ZCWPW1: variants seen among roughly 807,000 people sequenced by gnomAD.
The protein encoded by ZCWPW1 is zinc finger CW-type PWWP domain protein 1.
Under a neutral mutation model 81.3 loss-of-function variants are expected in ZCWPW1, and 56 were observed. The ratio of observed to expected loss-of-function variants is 0.69; its 90% CI spans 0.56 to 0.86. The LOEUF (loss-of-function observed/expected upper bound fraction) is 0.86, where lower values mean the gene tolerates loss of function less well. Among genes scored for constraint, ZCWPW1 ranks in the 40% least tolerant of loss-of-function variants. The pLI is 0.00. For synonymous variants in ZCWPW1, 250 were observed against 273.7 expected, an observed-to-expected ratio of 0.91 and a Z score of 0.86; for missense variants, 650 against 769.8, an observed-to-expected ratio of 0.84 and a Z score of 1.84.
intron 10 of ZCWPW1, 127 bp from the exon 11 acceptor site, chr7:100,407,430 TCAC>T: frequency 1.3e-6 from 1 of 797,742 alleles, no homozygotes; most frequent in Non-Finnish European, 2.0e-6. Context: ...TCTCACTCTG[TCAC>T]CCAGGCTGGA....
At chr7:100,414,938 T>A (rs996585913) in intron 8 of ZCWPW1, among the ~76,000 whole-genome samples, 1 of 151,160 alleles carries the variant, frequency 6.6e-6, no homozygotes, top group African/African-American at 2.4e-5. Flanking sequence ...GGCAGGAGAA[T>A]CGCTTGAACC....
In ZCWPW1 at chr7:100,419,663, T is replaced by A. The variant is rs1796000297; in HGVS notation, c.249A>T (p.Ala83=). 3.1e-6 allele frequency: 5 copies of A among 1,612,484 alleles called. No individual in the cohort carries two copies. In the South Asian group the frequency reaches 4.4e-5, roughly 14 times the overall value. Residue 83 remains alanine (A), a synonymous_variant, in exon 4 of 18, where the codon GCA becomes GCT. Coordinates refer to ENST00000684423, the MANE Select transcript of ZCWPW1 (RefSeq NM_001386010.1). ...TCTTCTCTGCTTGCTTGTTGATTTGTGCCTTTCTTTTTTTCTCCTGTTCCC... is the reference window on the plus strand; with the variant it reads ...TCTTCTCTGCTTGCTTGTTGATTTGAGCCTTTCTTTTTTTCTCCTGTTCCC... ...PSREQEKKRK[A]QINKQAEKKE...
Position 100,415,975 on chromosome 7 carries a change from C to T in ZCWPW1, c.754G>A (p.Gly252Ser). 1 of 1,614,054 alleles carries T rather than the reference C, an allele frequency of 6.2e-7. No individual in the cohort carries two copies. The highest frequency in any genetic ancestry group is 8.5e-7 in the Non-Finnish European group (1 of 1,180,008). The change falls in exon 8 of 18, where the codon GGT becomes AGT. Residue 252 changes from glycine (G) to serine (S), a missense_variant and splice_region_variant. Physicochemically the swap from Gly to Ser is moderately conservative, Grantham distance 56. Transcript: ENST00000684423. ...DQQKGEISGFGQCLVWVQCSF... is the reference protein window; with the variant it reads ...DQQKGEISGFSQCLVWVQCSF... ...GGTTTGCCAAACCAGCTAAACTCAC[C>T]AAAACCACTTATCTCTCCTTTTTGC... is the stretch of plus-strand genomic sequence containing the variant.
chr7:100,403,354 T>C (rs773925594), intron 15 of ZCWPW1, among the ~76,000 whole-genome samples: 1 of 152,090 alleles, frequency 6.6e-6, no homozygotes, highest in Non-Finnish European at 1.5e-5. Flanking sequence ...TAGCTGGGAC[T>C]ATAGGTGCCC....
At position 100,419,685 on chromosome 7, in the gene ZCWPW1, TC is replaced by T; in HGVS notation, c.226del (p.Glu76AsnfsTer62). On this transcript the variant is annotated frameshift_variant, in exon 4 of 18. Transcript: ENST00000684423. LOFTEE classifies it high-confidence loss of function. Reference sequence around the variant, plus strand: ...TTGTGCCTTTCTTTTTTTCTCCTGTTCCCTGCTTGGAACATTCTTCATGGTT... The same window carrying T: ...TTGTGCCTTTCTTTTTTTCTCCTGTTCCTGCTTGGAACATTCTTCATGGTT... ...KATMKNVPSR[E>X]QEKKRKAQIN... 6.2e-7 allele frequency: 1 copy of T among 1,614,000 alleles called. No homozygotes were observed.
intron 8 of ZCWPW1, among the ~76,000 whole-genome samples, chr7:100,412,431 A>C (rs1794357589): frequency 6.6e-6 from 1 of 152,194 alleles, no homozygotes; most frequent in Non-Finnish European, 1.5e-5. Flanking sequence ...TTCAAGACAG[A>C]AACCAATCAT....
intron 16 of ZCWPW1, 38 bp from the exon 17 acceptor site, chr7:100,402,079 G>C (rs755166130): frequency 6.4e-6 from 10 of 1,574,290 alleles, no homozygotes; most frequent in African/African-American, 2.7e-5. Flanking sequence ...CTCTCTAAAC[G>C]ACAACTCGGC....
chr7:100,424,794 C>T (rs761399125), intron 2 of ZCWPW1, among the ~76,000 whole-genome samples: 4 of 152,058 alleles, frequency 2.6e-5, no homozygotes, highest in Non-Finnish European at 4.4e-5. Context: ...GAGAGTATTT[C>T]GACCAACCTA....
Position 100,406,693 on chromosome 7 carries a change from C to T in ZCWPW1, c.1173+1G>A, listed in dbSNP as rs759563877. ...ACAACAGAACCCCAAGATGTGCTCA[C>T]CATGACTGATAGCTCCAGGGACAGC... On this transcript the variant is annotated splice_donor_variant, in intron 12 of 17. Coordinates refer to ENST00000684423, the MANE Select transcript of ZCWPW1 (RefSeq NM_001386010.1). LOFTEE classifies it high-confidence loss of function. 2.5e-6 allele frequency: 4 copies of T among 1,613,812 alleles called. 1 individual carries two copies. Among genetic ancestry groups the T allele is most frequent in the South Asian group, 2.2e-5 (2 of 91,078 alleles).
chr7:100,421,905 T>A (rs1232012960), intron 2 of ZCWPW1, among the ~76,000 whole-genome samples: 1 of 152,154 alleles, frequency 6.6e-6, no homozygotes, highest in Non-Finnish European at 1.5e-5. Flanking sequence ...TTGGTCAGGC[T>A]GGTCTTGAAC....
intron 5 of ZCWPW1, 108 bp from the exon 6 acceptor site, chr7:100,417,291 C>T (rs1795460856): frequency 1.4e-6 from 1 of 729,142 alleles, no homozygotes; most frequent in Non-Finnish European, 2.3e-6. Flanking sequence ...CTGAAAGAGC[C>T]TACCTGTCAT....
Position 100,420,759 on chromosome 7 carries a change from CTT to C in ZCWPW1, c.-29-83_-29-82del, listed in dbSNP as rs1476233706. 5.7e-6 allele frequency: 8 copies of C among 1,398,810 alleles called. No homozygotes were observed. In the Admixed American group the frequency reaches 1.3e-4, roughly 22 times the overall value. 86.6% of individuals were successfully genotyped at this position (1,398,810 alleles called of 1,614,324 possible). A position where few individuals can be genotyped will look rare whatever the true frequency, so the allele number is the denominator to read the frequency against. ...TTCTGTCTACTTGGGTTCAGAAACT[CTT>C]TGTTTCAGACCTCTGAACTAGGTTT... On this transcript the variant is annotated intron_variant, in intron 2 of 17. Transcript: ENST00000684423.
At chr7:100,418,954 AGAT>A in intron 5 of ZCWPW1, 154 bp downstream of exon 5, 1 of 571,186 alleles carries the variant, frequency 1.8e-6, no homozygotes. Flanking sequence ...TCCTGTTGAC[AGAT>A]GATGAAGTAT....
Position 100,405,106 on chromosome 7 carries a change from A to AT in ZCWPW1, c.1174-14dup. The AT allele has an allele frequency of 6.2e-7, 1 of 1,610,094 alleles. No individual in the cohort carries two copies. Among genetic ancestry groups the AT allele is most frequent in the East Asian group, 2.2e-5 (1 of 44,764 alleles). On this transcript the variant is annotated splice_polypyrimidine_tract_variant and intron_variant, in intron 12 of 17. Transcript: ENST00000684423. ...TTCTGCGCTTTTTCTGAAATAGAAG[A>AT]TTAGAGCCAATGATAAATATTGACT...
chr7:100,404,090 AAT>A, intron 14 of ZCWPW1, 86 bp downstream of exon 14: 1 of 1,357,240 alleles, frequency 7.4e-7, no homozygotes, highest in Non-Finnish European at 1.0e-6. Flanking sequence ...GATGATAGAG[AAT>A]ATAAAATAAA....
Position 100,408,521 on chromosome 7 carries a change from T to G in ZCWPW1, c.992+18A>C. 2 of 1,609,102 alleles carry G rather than the reference T, an allele frequency of 1.2e-6. No homozygotes were observed. Among genetic ancestry groups the G allele is most frequent in the East Asian group, 2.2e-5 (1 of 44,844 alleles). ...CCAAGTTTGTGAAGGATGCTCTGAC[T>G]GTGTCATAATGCCCTACCAGGGGTA... On this transcript the variant is annotated intron_variant, in intron 10 of 17. Transcript: ENST00000684423.
At chr7:100,424,472 A>T (rs868195505) in intron 2 of ZCWPW1, among the ~76,000 whole-genome samples, 22 of 151,732 alleles carry the variant, frequency 1.4e-4, no homozygotes, top group African/African-American at 4.1e-4. Flanking sequence ...AATTATTATT[A>T]TTTTTTTTGA....
rs771059720 is a variant in ZCWPW1, at chr7:100,419,686, C to G, written c.226G>C (p.Glu76Gln). The change falls in exon 4 of 18, where the codon GAA (glutamate) becomes CAA (glutamine). Residue 76 changes from glutamate to glutamine, a missense_variant. Coordinates refer to ENST00000684423, the MANE Select transcript of ZCWPW1 (RefSeq NM_001386010.1). The stretch of plus-strand genomic sequence containing the variant: ...TGTGCCTTTCTTTTTTTCTCCTGTT[C>G]CCTGCTTGGAACATTCTTCATGGTT... Reference protein sequence around the residue: ...KATMKNVPSREQEKKRKAQIN... With the variant: ...KATMKNVPSRQQEKKRKAQIN... The G allele has an allele frequency of 1.9e-6, 3 of 1,613,606 alleles. No individual in the cohort carries two copies. Among genetic ancestry groups the G allele is most frequent in the Admixed American group, 1.7e-5 (1 of 59,882 alleles).
At chr7:100,424,956 C>G (rs181673007) in intron 2 of ZCWPW1, 74 bp downstream of exon 2, 1 of 152,176 alleles carries the variant, frequency 6.6e-6, no homozygotes, top group East Asian at 1.9e-4. Context: ...AATCTATAAA[C>G]AGTGATGTAT....
Sources: allele counts gnomAD v4.1 joint callset (sites outside exome capture counted in the v4.1 genomes callset), GRCh38; gene constraint gnomAD v4.1.1; transcripts MANE v1.5; gene names NCBI Gene and HGNC (gene_info 2026-07-23, HGNC 2026-07-21).